Variants in PPP1R1C observed in about 807,000 individuals in gnomAD.
The protein encoded by PPP1R1C is protein phosphatase 1 regulatory inhibitor subunit 1C.
A neutral mutation model predicts 17.4 loss-of-function variants in PPP1R1C; 15 were observed. That is an observed-to-expected ratio of 0.86 (90% CI 0.58 to 1.33). PPP1R1C has a LOEUF of 1.33. PPP1R1C is among the 40% of genes most tolerant of loss of function. PPP1R1C has a pLI of 0.00. For missense variants in PPP1R1C, 143 were observed against 130.0 expected, an observed-to-expected ratio of 1.10 and a Z score of -0.48; for synonymous variants, 35 against 43.1, an observed-to-expected ratio of 0.81 and a Z score of 0.73.
intron 2 of PPP1R1C, among the ~76,000 whole-genome samples, chr2:182,020,608 G>C (rs561182964): frequency 1.6e-4 from 24 of 152,246 alleles, no homozygotes; most frequent in African/African-American, 5.8e-4. Context: ...AATGTTCTTT[G>C]ATTCTTTTTC....
chr2:181,975,243 C>G (rs1345261057), exon 2 of PPP1R1C: 1 of 107,952 alleles, frequency 9.3e-6, no homozygotes, highest in Non-Finnish European at 1.9e-5. Context: ...TCAAGATTCT[C>G]TTTTGAAAGA....
intron 1 of PPP1R1C, among the ~76,000 whole-genome samples, chr2:181,987,367 A>G (rs1685329000): frequency 6.6e-6 from 1 of 152,198 alleles, no homozygotes; most frequent in African/African-American, 2.4e-5. Context: ...AGAAAATAAA[A>G]AAGTTAACAA....
chr2:182,118,573 C>T (rs891048615), downstream of PPP1R1C, among the ~76,000 whole-genome samples: 1 of 152,064 alleles, frequency 6.6e-6, no homozygotes, highest in Non-Finnish European at 1.5e-5. Flanking sequence ...ATCTTAATAT[C>T]AAGATTCAAA....
intron 4 of PPP1R1C, among the ~76,000 whole-genome samples, chr2:182,108,029 C>T (rs758825403): frequency 6.6e-6 from 1 of 152,164 alleles, no homozygotes; most frequent in African/African-American, 2.4e-5. Context: ...TTTTCCTCCT[C>T]CCTATGGGAT....
At chr2:182,061,115 G>A (rs941300327) in intron 2 of PPP1R1C, among the ~76,000 whole-genome samples, 4 of 152,104 alleles carry the variant, frequency 2.6e-5, no homozygotes, top group African/African-American at 9.7e-5. Context: ...AGGAGAGGAG[G>A]TTCCTGACAC....
intron 4 of PPP1R1C, among the ~76,000 whole-genome samples, chr2:182,087,460 C>A (rs1477899851): frequency 6.6e-6 from 1 of 152,178 alleles, no homozygotes; most frequent in Admixed American, 6.6e-5. Flanking sequence ...ATCTTTTTAA[C>A]AAATTTTATC....
chr2:181,964,687 C>A (rs994037498), intron 1 of PPP1R1C, among the ~76,000 whole-genome samples: 5 of 149,152 alleles, frequency 3.4e-5, no homozygotes, highest in African/African-American at 1.2e-4. Flanking sequence ...TGACATCTCA[C>A]TGTAGTTTAT....
At chr2:181,991,282 A>T (rs77114703) in intron 2 of PPP1R1C, among the ~76,000 whole-genome samples, 3,479 of 152,298 alleles carry the variant, frequency 0.023, 57 homozygotes, top group Non-Finnish European at 0.038. Context: ...TGGTCTAAAC[A>T]CATAGATGAG....
chr2:182,120,227 C>T (rs1414849652), downstream of PPP1R1C, among the ~76,000 whole-genome samples: 8 of 152,074 alleles, frequency 5.3e-5, no homozygotes, highest in African/African-American at 1.9e-4. Flanking sequence ...AGATATGCGG[C>T]ATTATTTCTG....
intron 2 of PPP1R1C, among the ~76,000 whole-genome samples, chr2:182,052,530 G>A (rs1009438121): frequency 2.6e-5 from 4 of 152,044 alleles, no homozygotes; most frequent in African/African-American, 9.7e-5. Flanking sequence ...AATTTAATTC[G>A]ATTTCGGTGA....
At chr2:182,101,693 C>T (rs1054853050) in intron 4 of PPP1R1C, among the ~76,000 whole-genome samples, 3 of 152,154 alleles carry the variant, frequency 2.0e-5, no homozygotes, top group Admixed American at 6.5e-5. Context: ...GGTATGTGTA[C>T]GTGTGCATAT....
chr2:182,111,595 A>G (rs924936240), intron 4 of PPP1R1C, among the ~76,000 whole-genome samples: 1 of 152,102 alleles, frequency 6.6e-6, no homozygotes, highest in African/African-American at 2.4e-5. Context: ...TGACAAGAGG[A>G]TTGAACAATT....
chr2:182,023,810 T>A (rs924094305), intron 2 of PPP1R1C: 1 of 151,714 alleles, frequency 6.6e-6, no homozygotes, highest in Non-Finnish European at 1.5e-5. Flanking sequence ...TGTTTTTAAT[T>A]TTTTTTTGTA....
In PPP1R1C at chr2:182,117,235, A is replaced by G. The variant is rs776411859; in HGVS notation, c.270A>G (p.Glu90=). 1 of 1,561,378 alleles carries G rather than the reference A, an allele frequency of 6.4e-7. No homozygotes were observed. Among genetic ancestry groups the G allele is most frequent in the South Asian group, 1.2e-5 (1 of 84,384 alleles). ...KGVKHLKGQN[E]SAFPEEEEGT... is the part of the protein sequence containing the mutation. ...TTAAGCATCTGAAAGGCCAGAATGA[A>G]TCAGCATTCCCTGAAGAAGAAGAAG... is the stretch of plus-strand genomic sequence containing the variant. Residue 90 remains glutamate (E), a synonymous_variant, in exon 5 of 5, where the codon GAA becomes GAG. Coordinates refer to ENST00000682840, the MANE Select transcript of PPP1R1C (RefSeq NM_001080545.3).
chr2:181,991,262 T>C (rs1559048057), intron 2 of PPP1R1C, among the ~76,000 whole-genome samples: 1 of 152,188 alleles, frequency 6.6e-6, no homozygotes, highest in Non-Finnish European at 1.5e-5. Context: ...GTTTGCTAGT[T>C]CATCTATGCT....
downstream of PPP1R1C, chr2:182,131,123 A>G (rs2125245302): frequency 6.6e-6 from 1 of 152,292 alleles, no homozygotes; most frequent in East Asian, 1.9e-4. Context: ...TATTCTGGGG[A>G]AAATACAGTT....
chr2:181,977,044 T>C (rs751108307), intron 2 of PPP1R1C, among the ~76,000 whole-genome samples: 2 of 142,726 alleles, frequency 1.4e-5, no homozygotes, highest in Non-Finnish European at 3.0e-5. Context: ...GGCTGAGGCA[T>C]GAGAATCACT....
intron 2 of PPP1R1C, among the ~76,000 whole-genome samples, chr2:182,032,890 C>T (rs1686889066): frequency 6.6e-6 from 1 of 152,166 alleles, no homozygotes. Context: ...AACAAAACTT[C>T]TCTTGAGCTC....
intron 4 of PPP1R1C, among the ~76,000 whole-genome samples, chr2:182,088,130 T>C (rs1490838466): frequency 6.6e-6 from 1 of 152,196 alleles, no homozygotes; most frequent in Non-Finnish European, 1.5e-5. Context: ...TTGAAAAATT[T>C]AAAGCCTACA....
Sources: allele counts gnomAD v4.1 joint callset (sites outside exome capture counted in the v4.1 genomes callset), GRCh38; gene constraint gnomAD v4.1.1; transcripts MANE v1.5; gene names NCBI Gene and HGNC (gene_info 2026-07-23, HGNC 2026-07-21).